NPAS3: variants seen among roughly 807,000 people sequenced by gnomAD.
NPAS3 encodes neuronal PAS domain-containing protein 3.
In NPAS3, 14 loss-of-function variants were observed where a neutral mutation model predicts 73.1. That is an observed-to-expected ratio of 0.19 (90% CI 0.13 to 0.30). The LOEUF (loss-of-function observed/expected upper bound fraction) is 0.30. NPAS3 is among the 10% of genes least tolerant of loss of function. The pLI is 1.00. For synonymous variants in NPAS3, 620 were observed against 541.5 expected (o/e 1.14, Z -2.01); for missense variants, 1,096 against 1,250.0 (o/e 0.88, Z 1.86).
intron 4 of NPAS3, among the ~76,000 whole-genome samples, chr14:33,533,841 C>T (rs1480969028): frequency 6.6e-6 from 1 of 151,908 alleles, no homozygotes; most frequent in Non-Finnish European, 1.5e-5. Context: ...ATCATATATA[C>T]ATACACATGT....
chr14:33,565,508 A>G (rs1343953139), intron 5 of NPAS3, among the ~76,000 whole-genome samples: 1 of 152,252 alleles, frequency 6.6e-6, no homozygotes, highest in Non-Finnish European at 1.5e-5. Flanking sequence ...TCCAAAGTGC[A>G]AGGCTCACTC....
At chr14:33,571,286 A>G (rs997427875) in intron 5 of NPAS3, among the ~76,000 whole-genome samples, 7 of 152,156 alleles carry the variant, frequency 4.6e-5, no homozygotes, top group Non-Finnish European at 8.8e-5. Flanking sequence ...CGAAAGGGCA[A>G]TTTCTCAGGC....
chr14:33,497,069 G>C (rs2052235535), intron 4 of NPAS3, among the ~76,000 whole-genome samples: 1 of 152,088 alleles, frequency 6.6e-6, no homozygotes, highest in Non-Finnish European at 1.5e-5. Context: ...CAAACAGAGA[G>C]CCAAATCATG....
At chr14:33,128,450 G>T (rs1222350494) in intron 2 of NPAS3, among the ~76,000 whole-genome samples, 1 of 152,118 alleles carries the variant, frequency 6.6e-6, no homozygotes, top group African/African-American at 2.4e-5. Flanking sequence ...TGTTATGAAT[G>T]AGTTAGAAGC....
intron 1 of NPAS3, among the ~76,000 whole-genome samples, chr14:33,027,029 T>A (rs1403010198): frequency 6.6e-6 from 1 of 152,160 alleles, no homozygotes; most frequent in African/African-American, 2.4e-5. Flanking sequence ...ATGTGCTTCA[T>A]GCCCTTCCTT....
intron 1 of NPAS3, among the ~76,000 whole-genome samples, chr14:32,977,356 G>GCATGCACACACACACA (rs1555313830): frequency 4.9e-5 from 7 of 141,448 alleles, no homozygotes; most frequent in Non-Finnish European, 9.1e-5. Context: ...TCTCTGACAC[G>GCATGCACACACACACA]CACACACACA....
At chr14:33,295,337 A>G (rs1322446609) in intron 3 of NPAS3, among the ~76,000 whole-genome samples, 1 of 152,204 alleles carries the variant, frequency 6.6e-6, no homozygotes. Flanking sequence ...GAAAGGAGAC[A>G]TTAATAAAAG....
intron 3 of NPAS3, among the ~76,000 whole-genome samples, chr14:33,280,877 T>C (rs28676430): frequency 0.011 from 1,704 of 152,226 alleles, 35 homozygotes; most frequent in African/African-American, 0.039. Context: ...TCAAAGCTCA[T>C]CATTAGCGTG....
chr14:33,238,469 A>G (rs563554257), intron 3 of NPAS3, among the ~76,000 whole-genome samples: 1 of 152,148 alleles, frequency 6.6e-6, no homozygotes, highest in East Asian at 1.9e-4. Context: ...TTTCAGATTA[A>G]GTAGATCATG....
rs147738399 is a variant in NPAS3 at position 33,502,380 on chromosome 14, C to T, written c.469-57741C>T. ...CCTGGCATTTACATCTAGCTTCTTA[C>T]CCATCATCCTCATTGCTGTTAGCCA... On this transcript the variant is annotated intron_variant, in intron 4 of 11. Transcript: ENST00000356141. Among the ~76,000 whole-genome samples, 618 of 151,892 alleles carry T rather than the reference C, an allele frequency of 4.1e-3. 5 individuals carry two copies. The highest frequency in any genetic ancestry group is 0.013 in the African/African-American group (557 of 41,484).
chr14:33,724,851 A>G (rs931821610), intron 6 of NPAS3, among the ~76,000 whole-genome samples: 3 of 152,134 alleles, frequency 2.0e-5, no homozygotes, highest in African/African-American at 7.2e-5. Flanking sequence ...CTGGAAATCA[A>G]TTTGTCTGTG....
intron 4 of NPAS3, among the ~76,000 whole-genome samples, chr14:33,541,490 G>A (rs990796979): frequency 6.6e-6 from 1 of 152,110 alleles, no homozygotes; most frequent in Non-Finnish European, 1.5e-5. Context: ...AGGTAATTAA[G>A]ATATCTGAAC....
intron 3 of NPAS3, among the ~76,000 whole-genome samples, chr14:33,358,715 T>C (rs1456462649): frequency 1.3e-5 from 2 of 152,206 alleles, no homozygotes; most frequent in Non-Finnish European, 2.9e-5. Flanking sequence ...GCCTTTTCAA[T>C]TTTATATTCC....
intron 3 of NPAS3, among the ~76,000 whole-genome samples, chr14:33,321,361 G>C (rs1049741365): frequency 1.3e-5 from 2 of 151,980 alleles, no homozygotes; most frequent in Non-Finnish European, 2.9e-5. Flanking sequence ...TGGGAAGTAG[G>C]GTGTTCCAGG....
intron 5 of NPAS3, among the ~76,000 whole-genome samples, chr14:33,576,854 G>A (rs544162072): frequency 1.3e-5 from 2 of 152,336 alleles, no homozygotes; most frequent in South Asian, 2.1e-4. Context: ...AGAGCAGAGA[G>A]TAGGCCCTCA....
intron 2 of NPAS3, among the ~76,000 whole-genome samples, chr14:33,164,424 T>G (rs1433193511): frequency 6.6e-6 from 1 of 152,214 alleles, no homozygotes; most frequent in African/African-American, 2.4e-5. Context: ...AGATCTTCTG[T>G]GTAAGAAGTT....
intron 6 of NPAS3, among the ~76,000 whole-genome samples, chr14:33,692,000 C>G (rs1011140395): frequency 6.6e-6 from 1 of 152,082 alleles, no homozygotes; most frequent in South Asian, 2.1e-4. Flanking sequence ...GATTTGGTAG[C>G]AATTCAATTA....
At chr14:33,630,897 G>A (rs1355155920) in intron 5 of NPAS3, among the ~76,000 whole-genome samples, 3 of 152,210 alleles carry the variant, frequency 2.0e-5, no homozygotes, top group East Asian at 3.8e-4. Context: ...TAAGGCAAGG[G>A]AAATTAGTAA....
chr14:33,482,714 T>G (rs576496929), intron 4 of NPAS3, among the ~76,000 whole-genome samples: 125 of 152,116 alleles, frequency 8.2e-4, no homozygotes, highest in African/African-American at 2.7e-3. Context: ...TCTGGTCTCT[T>G]TCCTTCCTCT....
Sources: gnomAD v4.1 joint callset for allele counts (sites outside exome capture counted in the v4.1 genomes callset) on GRCh38, gnomAD v4.1.1 for gene constraint, MANE v1.5 for transcripts, NCBI Gene and HGNC (gene_info 2026-07-23, HGNC 2026-07-21) for gene names.